Variants in UNC5A observed in about 807,000 individuals in gnomAD.
UNC5A encodes the protein netrin receptor UNC5A.
Under a neutral mutation model 87.4 loss-of-function variants are expected in UNC5A, and 20 were observed. The observed-to-expected ratio is 0.23, with a 90% CI of 0.16 to 0.33. The LOEUF is 0.33. Ranked by LOEUF, UNC5A falls within the 10% of genes least tolerant of loss-of-function variation. The probability of loss-of-function intolerance (pLI) is 1.00; values close to 1 mark genes in which losing one functional copy is unlikely to be tolerated. For missense variants in UNC5A, 844 were observed against 1,133.4 expected (o/e 0.74, Z 3.67); for synonymous variants, 438 against 482.3 (o/e 0.91, Z 1.20).
At chr5:176,835,133 A>G (rs147289486) in intron 1 of UNC5A, among the ~76,000 whole-genome samples, 385 of 152,378 alleles carry the variant, frequency 2.5e-3, no homozygotes, top group African/African-American at 8.9e-3. Flanking sequence ...GTGGCTTCTT[A>G]AAGTGCCATG....
At chr5:176,862,267 C>T (rs779220138) in intron 1 of UNC5A, among the ~76,000 whole-genome samples, 1 of 152,228 alleles carries the variant, frequency 6.6e-6, no homozygotes, top group Non-Finnish European at 1.5e-5. Context: ...ACCTTCTCAC[C>T]TTGGCCAGCC....
At chr5:176,842,180 G>A (rs1757292806) in intron 1 of UNC5A, among the ~76,000 whole-genome samples, 1 of 152,238 alleles carries the variant, frequency 6.6e-6, no homozygotes. Context: ...CTGGATGATA[G>A]AGCGAGACTC....
chr5:176,851,540 C>T (rs575672057), intron 1 of UNC5A, among the ~76,000 whole-genome samples: 65 of 152,342 alleles, frequency 4.3e-4, no homozygotes, highest in Middle Eastern at 6.8e-3. Context: ...AAAATGCTGA[C>T]GGGGCCATAA....
At chr5:176,877,389 G>T in intron 9 of UNC5A, 110 bp downstream of exon 9, 4 of 1,358,348 alleles carry the variant, frequency 2.9e-6, no homozygotes, top group African/African-American at 1.5e-5. Flanking sequence ...GGCGGCGGGG[G>T]AAAGAGCTAT....
chr5:176,828,098 CAGCCAGG>C (rs1243104467), intron 1 of UNC5A, among the ~76,000 whole-genome samples: 4 of 152,056 alleles, frequency 2.6e-5, no homozygotes, highest in Non-Finnish European at 1.5e-5. Context: ...CACCCACCCC[CAGCCAGG>C]AGCTGCCCTC....
chr5:176,811,153 CT>C (rs1407682207), intron 1 of UNC5A, among the ~76,000 whole-genome samples: 2 of 152,190 alleles, frequency 1.3e-5, no homozygotes, highest in Non-Finnish European at 1.5e-5. Flanking sequence ...GGGAGCCTGA[CT>C]TTGAGGATTC....
At chr5:176,854,302 GTCTCTCT>G (rs1328972828) in intron 1 of UNC5A, among the ~76,000 whole-genome samples, 6 of 148,816 alleles carry the variant, frequency 4.0e-5, no homozygotes, top group African/African-American at 1.5e-4. Flanking sequence ...GTCTCTCTCT[GTCTCTCT>G]AACAGCAAGT....
At chr5:176,834,432 G>A (rs569256479) in intron 1 of UNC5A, among the ~76,000 whole-genome samples, 1 of 152,166 alleles carries the variant, frequency 6.6e-6, no homozygotes, top group Admixed American at 6.6e-5. Flanking sequence ...GGCCCAGGAG[G>A]GGCCATTCAT....
At position 176,864,674 on chromosome 5, in the gene UNC5A, G is replaced by A. The variant is rs184879309; in HGVS notation, c.292+1829G>A. The A allele has an allele frequency of 5.5e-3, 1,785 of 321,992 alleles. 14 individuals carry two copies. Among genetic ancestry groups the A allele is most frequent in the Middle Eastern group, 0.012 (31 of 2,504 alleles). 19.9% of individuals were successfully genotyped at this position (321,992 alleles called of 1,614,324 possible). On this transcript the variant is annotated intron_variant, in intron 2 of 14. Transcript: ENST00000329542. ...GGACTGCCTCCCTCCCCCAAGTGTCGTCTCAGTGCCTTGGCCTGACTGCAG... is the reference window on the plus strand; with the variant it reads ...GGACTGCCTCCCTCCCCCAAGTGTCATCTCAGTGCCTTGGCCTGACTGCAG...
Position 176,879,291 on chromosome 5 carries a change from C to T in UNC5A, c.2185-19C>T. ...CTGGGGAAAGTTCTAACAGGCACCT[C>T]TTTCCCTCCCACCTCCAGGACACAA... On this transcript the variant is annotated intron_variant, in intron 13 of 14. Transcript: ENST00000329542. 1.9e-6 allele frequency: 3 copies of T among 1,569,082 alleles called. No individual in the cohort carries two copies. The South Asian group carries it at 3.5e-5, about 19-fold the overall frequency.
At position 176,818,505 on chromosome 5, in the gene UNC5A, T is replaced by A. The variant is rs371175150; in HGVS notation, c.70+7685T>A. ...TGATGGTAGTAATCTGGGCTCCGCC[T>A]ACATCATCTGATCAAAACCTCAGGA... On this transcript the variant is annotated intron_variant, in intron 1 of 14. Transcript: ENST00000329542. Among the ~76,000 whole-genome samples, 4 of 152,372 alleles carry A rather than the reference T, an allele frequency of 2.6e-5. No homozygotes were observed. In the East Asian group the frequency reaches 7.7e-4, roughly 29 times the overall value.
rs554802611 is a variant in UNC5A, at chr5:176,855,228, G to C, written c.71-7396G>C. Among the ~76,000 whole-genome samples the C allele has an allele frequency of 2.9e-4, 44 of 152,348 alleles. 2 individuals carry two copies. The South Asian group carries it at 9.1e-3, about 32-fold the overall frequency. ...TGCCTTTACCCTCAGCCTTACGAAGGCCTACAATGCCTGCAGGACTGGCCC... is the reference window on the plus strand; with the variant it reads ...TGCCTTTACCCTCAGCCTTACGAAGCCCTACAATGCCTGCAGGACTGGCCC... On this transcript the variant is annotated intron_variant, in intron 1 of 14. Coordinates refer to ENST00000329542, the MANE Select transcript of UNC5A (RefSeq NM_133369.3).
rs1306729826 is a variant in UNC5A, at chr5:176,874,083, G to A, written c.1002G>A (p.Leu334=). The stretch of plus-strand genomic sequence containing the variant: ...TTTATTGCCGGAAGAAGGAGGGGCT[G>A]GACTCAGATGTGGCTGACTCGTCCA... ...ILVYCRKKEG[L]DSDVADSSIL... The change falls in exon 7 of 15, where the codon CTG becomes CTA. Residue 334 remains leucine (L), a synonymous_variant. Transcript: ENST00000329542. The surrounding 1 kb of genome is among the most constrained non-coding windows in gnomAD (Gnocchi z 7.6). 6.2e-7 allele frequency: 1 copy of A among 1,614,046 alleles called. No homozygotes were observed. Among genetic ancestry groups the A allele is most frequent in the Non-Finnish European group, 8.5e-7 (1 of 1,179,958 alleles).
rs554636965 is a variant in UNC5A at position 176,816,452 on chromosome 5, G to A, written c.70+5632G>A. Among the ~76,000 whole-genome samples, 4 of 152,382 alleles carry A rather than the reference G, an allele frequency of 2.6e-5. No individual in the cohort carries two copies. The East Asian group carries it at 7.7e-4, about 29-fold the overall frequency. ...ACCCCCTTCCTGGGCACTGATGTCAGGTGCGACAGGCAGCTTCAGACCCCA... is the reference window on the plus strand; with the variant it reads ...ACCCCCTTCCTGGGCACTGATGTCAAGTGCGACAGGCAGCTTCAGACCCCA... On this transcript the variant is annotated intron_variant, in intron 1 of 14. Coordinates refer to ENST00000329542, the MANE Select transcript of UNC5A (RefSeq NM_133369.3).
intron 14 of UNC5A, 87 bp from the exon 15 acceptor site, chr5:176,879,634 A>G (rs1178208877): frequency 1.3e-6 from 2 of 1,561,668 alleles, no homozygotes; most frequent in Non-Finnish European, 1.7e-6. Context: ...GGCTTCGGGG[A>G]GGCCCTGCCC....
At chr5:176,868,492 G>T in intron 3 of UNC5A, 69 bp from the exon 4 acceptor site, 1 of 1,521,404 alleles carries the variant, frequency 6.6e-7, no homozygotes, top group East Asian at 2.4e-5. Flanking sequence ...GCAGGACAAG[G>T]GACACAGCCA....
intron 1 of UNC5A, among the ~76,000 whole-genome samples, chr5:176,861,133 A>T (rs1047603138): frequency 5.3e-5 from 8 of 152,034 alleles, no homozygotes; most frequent in Non-Finnish European, 1.0e-4. Context: ...GTTGGCTCTC[A>T]CCCCCTATGA....
intron 1 of UNC5A, among the ~76,000 whole-genome samples, chr5:176,817,611 T>G (rs1209100715): frequency 8.9e-6 from 1 of 112,548 alleles, no homozygotes; most frequent in Non-Finnish European, 1.8e-5. Context: ...TGCCCGTCAC[T>G]GGCGGGTAGC....
chr5:176,839,749 G>A (rs534670149), intron 1 of UNC5A, among the ~76,000 whole-genome samples: 28 of 152,002 alleles, frequency 1.8e-4, no homozygotes, highest in Middle Eastern at 3.4e-3. Flanking sequence ...TACCGCAAGC[G>A]AAGACAGAAG....
Sources: gnomAD v4.1 joint callset for allele counts (sites outside exome capture counted in the v4.1 genomes callset) on GRCh38, gnomAD v4.1.1 for gene constraint, Gnocchi (gnomAD v3.1) non-coding constraint, MANE v1.5 for transcripts, NCBI Gene and HGNC (gene_info 2026-07-23, HGNC 2026-07-21) for gene names.